The following GRID2 variants were observed in gnomAD, a reference collection of about 807,000 sequenced individuals.
GRID2 encodes the protein glutamate receptor ionotropic, delta-2.
In GRID2, 33 loss-of-function variants were observed where a neutral mutation model predicts 114.8. The observed-to-expected ratio is 0.29, with a 90% CI of 0.22 to 0.38. The LOEUF (loss-of-function observed/expected upper bound fraction) is 0.38, where lower values mean the gene tolerates loss of function less well. GRID2 is among the 10% of genes least tolerant of loss of function. GRID2 has a pLI of 1.00. For synonymous variants in GRID2, 505 were observed against 449.9 expected, an observed-to-expected ratio of 1.12 and a Z score of -1.55; for missense variants, 1,184 against 1,257.7, an observed-to-expected ratio of 0.94 and a Z score of 0.89.
chr4:92,591,150 G>C (rs1247552028), intron 2 of GRID2, among the ~76,000 whole-genome samples: 1 of 152,046 alleles, frequency 6.6e-6, no homozygotes, highest in Non-Finnish European at 1.5e-5. Flanking sequence ...GGTCATGAGG[G>C]CTCTGTCCTC....
intron 8 of GRID2, among the ~76,000 whole-genome samples, chr4:93,247,560 T>C (rs1748349460): frequency 6.6e-6 from 1 of 152,024 alleles, no homozygotes; most frequent in African/African-American, 2.4e-5. Context: ...TCTCGGGCCT[T>C]ACACCCAGAC....
At chr4:92,837,325 A>C (rs1376615794) in intron 2 of GRID2, among the ~76,000 whole-genome samples, 1 of 152,044 alleles carries the variant, frequency 6.6e-6, no homozygotes, top group African/African-American at 2.4e-5. Flanking sequence ...TCAAGCTTTA[A>C]GACCAGAAGG....
At chr4:92,522,877 G>A (rs923206122) in intron 1 of GRID2, among the ~76,000 whole-genome samples, 1 of 151,944 alleles carries the variant, frequency 6.6e-6, no homozygotes, top group African/African-American at 2.4e-5. Flanking sequence ...GACAAAAAAC[G>A]AGTAATTAGA....
At chr4:92,885,000 G>C (rs1746275017) in intron 2 of GRID2, 1 of 271,250 alleles carries the variant, frequency 3.7e-6, no homozygotes, top group African/African-American at 2.3e-5. Flanking sequence ...ATTAATTACT[G>C]CTGCACAGTG....
intron 13 of GRID2, among the ~76,000 whole-genome samples, chr4:93,616,050 C>T (rs1741605238): frequency 6.6e-6 from 1 of 152,102 alleles, no homozygotes; most frequent in South Asian, 2.1e-4. Flanking sequence ...ATCTTGTAGT[C>T]ATATGTCTAA....
At chr4:93,048,827 T>G (rs1726419065) in intron 2 of GRID2, among the ~76,000 whole-genome samples, 1 of 152,062 alleles carries the variant, frequency 6.6e-6, no homozygotes, top group Non-Finnish European at 1.5e-5. Context: ...TGACATTTCC[T>G]TTTCCGGAGC....
chr4:93,565,481 A>C (rs1735320062), intron 13 of GRID2, among the ~76,000 whole-genome samples: 1 of 152,206 alleles, frequency 6.6e-6, no homozygotes, highest in Admixed American at 6.6e-5. Flanking sequence ...CAGAAGTTTA[A>C]ATTTTCAGGC....
intron 9 of GRID2, among the ~76,000 whole-genome samples, chr4:93,411,510 C>T (rs910257918): frequency 2.0e-5 from 3 of 151,702 alleles, no homozygotes; most frequent in Non-Finnish European, 4.4e-5. Context: ...TCCTAGCTCA[C>T]TGCAACCTCC....
intron 14 of GRID2, among the ~76,000 whole-genome samples, chr4:93,678,189 G>A (rs1374135322): frequency 6.6e-6 from 1 of 152,094 alleles, no homozygotes; most frequent in Non-Finnish European, 1.5e-5. Flanking sequence ...GATGGAAGAT[G>A]AAATGAATGA....
chr4:92,504,733 A>G (rs527911748), intron 1 of GRID2, among the ~76,000 whole-genome samples: 14 of 152,106 alleles, frequency 9.2e-5, no homozygotes, highest in Admixed American at 8.5e-4. Flanking sequence ...ATAGGTTCCT[A>G]AAATAATCAC....
At chr4:92,455,616 A>G (rs770920555) in intron 1 of GRID2, among the ~76,000 whole-genome samples, 2 of 152,058 alleles carry the variant, frequency 1.3e-5, no homozygotes, top group Non-Finnish European at 2.9e-5. Context: ...ATGCTCTGAA[A>G]TGGAGAGGAG....
intron 14 of GRID2, among the ~76,000 whole-genome samples, chr4:93,656,228 C>G (rs1182850002): frequency 6.6e-6 from 1 of 151,688 alleles, no homozygotes; most frequent in Non-Finnish European, 1.5e-5. Context: ...TAAATTGTTT[C>G]TATTTAATGT....
At chr4:93,433,969 A>T (rs1019680924) in intron 10 of GRID2, among the ~76,000 whole-genome samples, 8 of 152,114 alleles carry the variant, frequency 5.3e-5, no homozygotes, top group African/African-American at 1.7e-4. Flanking sequence ...TCCTTCCATG[A>T]TTCTCTCATC....
intron 1 of GRID2, among the ~76,000 whole-genome samples, chr4:92,411,324 A>G (rs568625573): frequency 1.3e-5 from 2 of 152,022 alleles, no homozygotes; most frequent in Non-Finnish European, 2.9e-5. Flanking sequence ...GAGACTGACT[A>G]TATTATTTGC....
intron 1 of GRID2, among the ~76,000 whole-genome samples, chr4:92,416,828 G>T (rs1731643264): frequency 1.3e-5 from 2 of 151,888 alleles, no homozygotes; most frequent in East Asian, 3.9e-4. Context: ...GTTTGACGTT[G>T]GGTAATGTGA....
chr4:92,402,104 A>T (rs1730816564), intron 1 of GRID2, among the ~76,000 whole-genome samples: 1 of 152,124 alleles, frequency 6.6e-6, no homozygotes, highest in Non-Finnish European at 1.5e-5. Flanking sequence ...GCTACTTCTT[A>T]TCTATTCAAG....
intron 2 of GRID2, among the ~76,000 whole-genome samples, chr4:92,956,764 TC>T: frequency 6.6e-6 from 1 of 152,332 alleles, no homozygotes; most frequent in South Asian, 2.1e-4. Context: ...CAATTTGCAT[TC>T]CCAGTGGTAA....
intron 13 of GRID2, among the ~76,000 whole-genome samples, chr4:93,540,800 C>T (rs1355386236): frequency 1.3e-5 from 2 of 152,160 alleles, no homozygotes; most frequent in African/African-American, 4.8e-5. Flanking sequence ...AAGAAAATAA[C>T]AAGAGCTCCT....
chr4:92,878,771 A>T (rs1401276369), intron 2 of GRID2, among the ~76,000 whole-genome samples: 2 of 152,124 alleles, frequency 1.3e-5, no homozygotes, highest in African/African-American at 4.8e-5. Flanking sequence ...AAAGTTTATC[A>T]TTTAGAGAGA....
Sources: gnomAD v4.1 joint callset for allele counts (sites outside exome capture counted in the v4.1 genomes callset) on GRCh38, gnomAD v4.1.1 for gene constraint, MANE v1.5 for transcripts, NCBI Gene and HGNC (gene_info 2026-07-23, HGNC 2026-07-21) for gene names.